GRID2: variants seen among roughly 807,000 people sequenced by gnomAD.
The protein encoded by GRID2 is glutamate receptor ionotropic, delta-2.
GRID2 carries 33 observed loss-of-function variants against 114.8 expected under a neutral mutation model. That is an observed-to-expected ratio of 0.29 (90% confidence interval 0.22 to 0.38). The LOEUF (loss-of-function observed/expected upper bound fraction) is 0.38, where lower values mean the gene tolerates loss of function less well. Ranked by LOEUF, GRID2 falls within the 10% of genes least tolerant of loss-of-function variation. GRID2 has a pLI of 1.00. For missense variants in GRID2, 1,184 were observed against 1,257.7 expected (o/e 0.94, Z 0.89); for synonymous variants, 505 against 449.9 (o/e 1.12, Z -1.55).
intron 4 of GRID2, among the ~76,000 whole-genome samples, chr4:93,173,711 C>A (rs1006839602): frequency 3.3e-5 from 5 of 152,068 alleles, no homozygotes; most frequent in African/African-American, 1.2e-4. Flanking sequence ...CTCACTGCAA[C>A]CTCCACCCCC....
chr4:93,443,129 A>G (rs925176860), intron 10 of GRID2, among the ~76,000 whole-genome samples: 1 of 152,000 alleles, frequency 6.6e-6, no homozygotes, highest in Non-Finnish European at 1.5e-5. Flanking sequence ...TCACCAAGCT[A>G]CTGCTCTTTT....
intron 2 of GRID2, among the ~76,000 whole-genome samples, chr4:92,993,645 AG>A: frequency 6.6e-6 from 1 of 152,340 alleles, no homozygotes; most frequent in Admixed American, 6.5e-5. Flanking sequence ...TAGGTGTTTA[AG>A]AAAATGACTG....
intron 2 of GRID2, among the ~76,000 whole-genome samples, chr4:93,033,581 C>T (rs892547180): frequency 6.6e-6 from 1 of 152,092 alleles, no homozygotes; most frequent in South Asian, 2.1e-4. Context: ...CTATATTAAC[C>T]AAAATCTTTG....
chr4:93,406,057 T>C (rs1766379138), intron 9 of GRID2, among the ~76,000 whole-genome samples: 1 of 152,168 alleles, frequency 6.6e-6, no homozygotes, highest in African/African-American at 2.4e-5. Context: ...ATGGCTAGGA[T>C]AGAGTTATTA....
chr4:92,599,023 T>A (rs1306762718), intron 2 of GRID2, among the ~76,000 whole-genome samples: 2 of 149,522 alleles, frequency 1.3e-5, no homozygotes, highest in Non-Finnish European at 3.0e-5. Context: ...AATGAAATGC[T>A]TTTCCTTTTT....
chr4:93,769,356 G>C lies in GRID2; in HGVS notation c.2507G>C (p.Cys836Ser). 3 of 1,614,022 alleles carry C rather than the reference G, an allele frequency of 1.9e-6. No individual in the cohort carries two copies. The highest frequency in any genetic ancestry group is 3.3e-5 in the Admixed American group (2 of 60,006). Residue 836 changes from cysteine (C) to serine (S), a missense_variant, in exon 15 of 16, where the codon TGT becomes TCT. Cys to Ser is a moderately radical substitution (Grantham distance 112). Around this residue, in one of 3 missense-constraint regions of GRID2, gnomAD observed 717 missense variants for 796.9 expected, o/e 0.90. Coordinates refer to ENST00000282020, the MANE Select transcript of GRID2 (RefSeq NM_001510.4). ...ATAAAGAGCTTTGCAGGGGTCTTTT[G>C]TATCCTGGCTGCTGGAATTGTCCTC... ...LDIKSFAGVF[C>S]ILAAGIVLSC...
intron 12 of GRID2, among the ~76,000 whole-genome samples, chr4:93,491,547 A>T (rs898644171): frequency 6.6e-6 from 1 of 151,864 alleles, no homozygotes; most frequent in African/African-American, 2.4e-5. Flanking sequence ...TTATTAGAAC[A>T]TAATGTTCTA....
intron 1 of GRID2, among the ~76,000 whole-genome samples, chr4:92,420,831 C>A (rs997885560): frequency 6.6e-6 from 1 of 152,062 alleles, no homozygotes; most frequent in African/African-American, 2.4e-5. Flanking sequence ...ATTACAGGCA[C>A]GTGCCATCAT....
intron 10 of GRID2, among the ~76,000 whole-genome samples, chr4:93,451,762 A>C (rs1722708011): frequency 6.6e-6 from 1 of 152,138 alleles, no homozygotes; most frequent in Non-Finnish European, 1.5e-5. Context: ...TAGGATGCTC[A>C]GGAGGTAAAA....
chr4:93,048,434 T>C (rs374086734), intron 2 of GRID2, among the ~76,000 whole-genome samples: 8 of 152,034 alleles, frequency 5.3e-5, no homozygotes, highest in African/African-American at 1.7e-4. Context: ...CAGGATACCT[T>C]CTCAGGTATC....
intron 2 of GRID2, among the ~76,000 whole-genome samples, chr4:92,912,332 T>C (rs1267735189): frequency 1.3e-5 from 2 of 151,642 alleles, no homozygotes; most frequent in Non-Finnish European, 3.0e-5. Flanking sequence ...AAGTGAAAAA[T>C]AGATCTTGTA....
intron 8 of GRID2, among the ~76,000 whole-genome samples, chr4:93,285,536 T>A (rs1330222998): frequency 6.6e-6 from 1 of 152,072 alleles, no homozygotes; most frequent in Non-Finnish European, 1.5e-5. Flanking sequence ...ACTAAATAGC[T>A]GACACTGTGA....
At chr4:92,360,793 T>TA (rs111234088) in intron 1 of GRID2, among the ~76,000 whole-genome samples, 9,935 of 151,978 alleles carry the variant, frequency 0.065, 974 homozygotes, top group African/African-American at 0.22. Context: ...CCATATCTCT[T>TA]AAAAAATCAC....
At chr4:92,812,163 T>C (rs1465638496) in intron 2 of GRID2, among the ~76,000 whole-genome samples, 3 of 152,146 alleles carry the variant, frequency 2.0e-5, no homozygotes, top group Admixed American at 6.6e-5. Flanking sequence ...CAAATAAATA[T>C]GTGAAGATCT....
At chr4:92,952,712 C>T (rs1454469306) in intron 2 of GRID2, among the ~76,000 whole-genome samples, 2 of 152,164 alleles carry the variant, frequency 1.3e-5, no homozygotes, top group Admixed American at 1.3e-4. Context: ...ATCTTTCTCA[C>T]CTGCACATTT....
chr4:92,728,817 A>G (rs967602103), intron 2 of GRID2, among the ~76,000 whole-genome samples: 2 of 151,980 alleles, frequency 1.3e-5, no homozygotes, highest in Non-Finnish European at 2.9e-5. Context: ...GAATGATAAT[A>G]TGGGTTATCA....
At chr4:92,922,788 G>A (rs991595102) in intron 2 of GRID2, among the ~76,000 whole-genome samples, 2 of 152,084 alleles carry the variant, frequency 1.3e-5, no homozygotes, top group African/African-American at 4.8e-5. Flanking sequence ...AATGAAAGAA[G>A]CCAGAAACAA....
chr4:92,454,510 A>G (rs1721105616), intron 1 of GRID2, among the ~76,000 whole-genome samples: 1 of 152,240 alleles, frequency 6.6e-6, no homozygotes, highest in East Asian at 1.9e-4. Flanking sequence ...CTATGTATAT[A>G]CAAACACAGT....
chr4:93,631,851 A>T (rs533141196), intron 14 of GRID2, among the ~76,000 whole-genome samples: 2 of 152,078 alleles, frequency 1.3e-5, no homozygotes. Context: ...AAGTGTTCCT[A>T]TTTCTCCACA....
Sources: gnomAD v4.1 joint callset for allele counts (sites outside exome capture counted in the v4.1 genomes callset) on GRCh38, gnomAD v4.1.1 for gene constraint, gnomAD v4.1.1 regional missense constraint, MANE v1.5 for transcripts, NCBI Gene and HGNC (gene_info 2026-07-23, HGNC 2026-07-21) for gene names.